PDE2A: variants seen among roughly 807,000 people sequenced by gnomAD.
PDE2A encodes cGMP-dependent 3',5'-cyclic phosphodiesterase.
PDE2A carries 53 observed loss-of-function variants against 133.6 expected under a neutral mutation model. That is an observed-to-expected ratio of 0.40 (90% CI 0.32 to 0.50). The LOEUF is 0.50. Among genes scored for constraint, PDE2A ranks in the 20% least tolerant of loss-of-function variants. PDE2A has a pLI of 0.73. For missense variants in PDE2A, 796 were observed against 1,232.4 expected, an observed-to-expected ratio of 0.65 and a Z score of 5.30; for synonymous variants, 491 against 490.2, an observed-to-expected ratio of 1.00 and a Z score of -0.02.
chr11:72,598,359 G>C (rs1341748482), intron 4 of PDE2A: 2 of 450,206 alleles, frequency 4.4e-6, no homozygotes, highest in African/African-American at 4.0e-5. Context: ...CAGGGGGCAG[G>C]TGTGAGTGGC....
At chr11:72,669,662 G>A (rs930269877) in intron 1 of PDE2A, among the ~76,000 whole-genome samples, 2 of 152,130 alleles carry the variant, frequency 1.3e-5, no homozygotes, top group Non-Finnish European at 2.9e-5. Context: ...CTGGAGGCTG[G>A]GGCAGAGGGG....
At chr11:72,624,527 T>C (rs1857946992) in intron 2 of PDE2A, among the ~76,000 whole-genome samples, 1 of 152,196 alleles carries the variant, frequency 6.6e-6, no homozygotes, top group Non-Finnish European at 1.5e-5. Context: ...CTAGATCATA[T>C]GCTTGGGACA....
intron 5 of PDE2A, 45 bp from the exon 6 acceptor site, chr11:72,596,693 G>C: frequency 7.6e-7 from 1 of 1,318,940 alleles, no homozygotes; most frequent in Admixed American, 2.8e-5. Context: ...GGCTGGCGAG[G>C]CTCAGAGATA....
intron 4 of PDE2A, chr11:72,598,399 G>A: frequency 1.3e-6 from 1 of 759,974 alleles, no homozygotes; most frequent in Non-Finnish European, 1.9e-6. Flanking sequence ...GGGGTGGTGG[G>A]AACCAAGGCA....
At position 72,674,147 on chromosome 11, in the gene PDE2A, G is replaced by GGTACTGCTGCCGGC; in HGVS notation, c.60_61insGCCGGCAGCAGTAC (p.Pro21AlafsTer37). The stretch of plus-strand genomic sequence containing the variant: ...CCTCACTATACTCACGGCTCAGCCG[G>GGTACTGCTGCCGGC]TCGCGCTGCCGGGTACTGCTGGCTC... On this transcript the variant is annotated frameshift_variant, in exon 1 of 31. Coordinates refer to ENST00000334456, the MANE Select transcript of PDE2A (RefSeq NM_002599.5). LOFTEE classifies it high-confidence loss of function. 6.2e-7 allele frequency: 1 copy of GGTACTGCTGCCGGC among 1,613,258 alleles called. No homozygotes were observed. Among genetic ancestry groups the GGTACTGCTGCCGGC allele is most frequent in the Non-Finnish European group, 8.5e-7 (1 of 1,179,836 alleles).
At chr11:72,607,829 CAGTT>C (rs1164125056) in intron 3 of PDE2A, among the ~76,000 whole-genome samples, 4 of 152,182 alleles carry the variant, frequency 2.6e-5, no homozygotes, top group Non-Finnish European at 5.9e-5. Context: ...TATCAGGACT[CAGTT>C]AGGGCATCTC....
At position 72,579,401 on chromosome 11, in the gene PDE2A, G is replaced by T. The variant is rs1436981764; in HGVS notation, c.2257-18C>A. The T allele has an allele frequency of 3.8e-6, 6 of 1,596,492 alleles. No individual in the cohort carries two copies. Among genetic ancestry groups the T allele is most frequent in the East Asian group, 4.5e-5 (2 of 44,792 alleles). On this transcript the variant is annotated intron_variant, in intron 26 of 30. Coordinates refer to ENST00000334456, the MANE Select transcript of PDE2A (RefSeq NM_002599.5). ...TGATAGTCCTGAGGCGAGGGCAGGG[G>T]TGTCATGCCCTCCTACTGGACACCC...
chr11:72,660,856 A>G (rs1855034163), intron 1 of PDE2A, among the ~76,000 whole-genome samples: 2 of 151,918 alleles, frequency 1.3e-5, no homozygotes, highest in South Asian at 2.1e-4. Context: ...GTGAGTGAGT[A>G]TGTGTGAGCT....
At chr11:72,617,822 A>C (rs564676869) in intron 2 of PDE2A, among the ~76,000 whole-genome samples, 57 of 152,284 alleles carry the variant, frequency 3.7e-4, no homozygotes, top group African/African-American at 1.3e-3. Context: ...CTTCCTCTGC[A>C]CTGACTCCTG....
At chr11:72,659,089 G>C (rs1029760138) in intron 1 of PDE2A, among the ~76,000 whole-genome samples, 3 of 151,812 alleles carry the variant, frequency 2.0e-5, no homozygotes, top group Non-Finnish European at 4.4e-5. Flanking sequence ...TGGAGGAGAC[G>C]GCAAAGCTTC....
intron 1 of PDE2A, among the ~76,000 whole-genome samples, chr11:72,669,957 T>C (rs1855346868): frequency 6.6e-6 from 1 of 152,196 alleles, no homozygotes; most frequent in Non-Finnish European, 1.5e-5. Context: ...TCAAGCCTGT[T>C]GGAGACACCT....
chr11:72,670,840 C>A (rs1266682160), intron 1 of PDE2A, among the ~76,000 whole-genome samples: 1 of 152,178 alleles, frequency 6.6e-6, no homozygotes, highest in East Asian at 1.9e-4. Context: ...ATAACCACCA[C>A]AAGGGAAGGG....
chr11:72,666,511 C>G (rs958728994), intron 1 of PDE2A, among the ~76,000 whole-genome samples: 1 of 152,096 alleles, frequency 6.6e-6, no homozygotes, highest in Non-Finnish European at 1.5e-5. Context: ...GGCCCAGAGT[C>G]CCCTGAAGGA....
chr11:72,594,419 G>C (rs1393290596), intron 6 of PDE2A, among the ~76,000 whole-genome samples: 1 of 152,184 alleles, frequency 6.6e-6, no homozygotes, highest in Non-Finnish European at 1.5e-5. Context: ...TGTGAGCCAG[G>C]GTGCATCTGT....
intron 24 of PDE2A, 67 bp from the exon 25 acceptor site, chr11:72,580,691 G>T: frequency 7.8e-7 from 1 of 1,288,746 alleles, no homozygotes; most frequent in Non-Finnish European, 1.1e-6. Context: ...GCTTTAGGCT[G>T]AGCAGTGTCC....
chr11:72,661,653 C>G (rs1855067275), intron 1 of PDE2A, among the ~76,000 whole-genome samples: 1 of 152,172 alleles, frequency 6.6e-6, no homozygotes, highest in Non-Finnish European at 1.5e-5. Context: ...AGAGGAGGGC[C>G]TTGGGGAAGG....
intron 10 of PDE2A, 52 bp downstream of exon 10, chr11:72,589,855 C>A: frequency 3.1e-6 from 5 of 1,608,484 alleles, no homozygotes; most frequent in Non-Finnish European, 4.2e-6. Context: ...CTCGGAGACC[C>A]GAGTTCCTCG....
chr11:72,585,482 C>T lies in PDE2A; in HGVS notation c.1223-48G>A, dbSNP rs1855924846. The T allele has an allele frequency of 1.9e-6, 3 of 1,609,562 alleles. No homozygotes were observed. The South Asian group carries it at 3.3e-5, about 18-fold the overall frequency. The stretch of plus-strand genomic sequence containing the variant: ...CAGGGTGAGACCAGGCTGCCAAGAC[C>T]TCCCGCCTCTCCTCTGCAAATGCCA... On this transcript the variant is annotated intron_variant, in intron 15 of 30. Transcript: ENST00000334456.
intron 3 of PDE2A, among the ~76,000 whole-genome samples, chr11:72,606,400 TC>T (rs1260641714): frequency 6.6e-6 from 1 of 152,142 alleles, no homozygotes; most frequent in Non-Finnish European, 1.5e-5. Context: ...GCAGTTGCCT[TC>T]CATGACTCTG....
Sources: gnomAD v4.1 joint callset for allele counts (sites outside exome capture counted in the v4.1 genomes callset) on GRCh38, gnomAD v4.1.1 for gene constraint, MANE v1.5 for transcripts, NCBI Gene and HGNC (gene_info 2026-07-23, HGNC 2026-07-21) for gene names.